The following MYRIP variants were observed in gnomAD, a reference collection of about 807,000 sequenced individuals.
The protein encoded by MYRIP is myosin VIIA and Rab interacting protein.
Under a neutral mutation model 98.0 loss-of-function variants are expected in MYRIP, and 49 were observed. That is an observed-to-expected ratio of 0.50 (90% CI 0.40 to 0.63). The LOEUF (loss-of-function observed/expected upper bound fraction) is 0.63. Ranked by LOEUF, MYRIP falls within the 30% of genes least tolerant of loss-of-function variation. The pLI, the probability that MYRIP is intolerant of heterozygous loss-of-function variation, is 0.00. For synonymous variants in MYRIP, 404 were observed against 409.5 expected, an observed-to-expected ratio of 0.99 and a Z score of 0.16; for missense variants, 1,004 against 1,058.2, an observed-to-expected ratio of 0.95 and a Z score of 0.71.
intron 1 of MYRIP, among the ~76,000 whole-genome samples, chr3:39,860,362 G>A (rs943390870): frequency 2.0e-5 from 3 of 152,224 alleles, no homozygotes; most frequent in African/African-American, 7.2e-5. Context: ...AGAGCCCAGA[G>A]GGTTTGATAT....
chr3:39,950,352 C>G (rs1054174738), intron 2 of MYRIP, among the ~76,000 whole-genome samples: 1 of 152,132 alleles, frequency 6.6e-6, no homozygotes, highest in African/African-American at 2.4e-5. Context: ...ATTTGCTTTC[C>G]TTTATACATT....
intron 2 of MYRIP, among the ~76,000 whole-genome samples, chr3:39,982,028 G>A (rs1945909115): frequency 6.6e-6 from 1 of 152,156 alleles, no homozygotes; most frequent in South Asian, 2.1e-4. Flanking sequence ...ACTGTAATAT[G>A]CCTCAATTTC....
chr3:40,108,046 C>A (rs371977146), intron 3 of MYRIP, among the ~76,000 whole-genome samples: 2 of 152,140 alleles, frequency 1.3e-5, no homozygotes, highest in Admixed American at 6.5e-5. Flanking sequence ...AATTAGAAAC[C>A]TTTGTGTGGT....
chr3:40,243,153 G>A (rs1447805813), intron 12 of MYRIP, among the ~76,000 whole-genome samples: 1 of 152,136 alleles, frequency 6.6e-6, no homozygotes, highest in Non-Finnish European at 1.5e-5. Flanking sequence ...GCCCCTGTAT[G>A]ACTGGTGAAT....
chr3:40,181,898 C>T (rs942403857), intron 8 of MYRIP, among the ~76,000 whole-genome samples: 1 of 152,030 alleles, frequency 6.6e-6, no homozygotes, highest in African/African-American at 2.4e-5. Context: ...TTTGCATGCC[C>T]GAGAGCAACT....
intron 4 of MYRIP, among the ~76,000 whole-genome samples, chr3:40,152,627 C>G (rs1208219612): frequency 7.9e-5 from 12 of 152,136 alleles, no homozygotes. Flanking sequence ...GCTGGGCCCT[C>G]TGTGATTCAC....
intron 3 of MYRIP, among the ~76,000 whole-genome samples, chr3:40,142,245 G>C (rs1001801273): frequency 6.6e-6 from 1 of 151,778 alleles, no homozygotes; most frequent in Admixed American, 6.6e-5. Context: ...TAGAGACGGG[G>C]TTTTACCATG....
intron 16 of MYRIP, among the ~76,000 whole-genome samples, chr3:40,256,464 A>G (rs1953592703): frequency 6.6e-6 from 1 of 152,148 alleles, no homozygotes; most frequent in African/African-American, 2.4e-5. Context: ...AAATAAACCC[A>G]AAAAACATTT....
chr3:39,927,346 G>C (rs543859366), intron 2 of MYRIP, among the ~76,000 whole-genome samples: 1 of 151,936 alleles, frequency 6.6e-6, no homozygotes, highest in Non-Finnish European at 1.5e-5. Flanking sequence ...CTCTGGCTAG[G>C]GCTTCTAGTA....
chr3:40,249,733 T>G (rs1431439045), intron 13 of MYRIP, among the ~76,000 whole-genome samples: 25 of 152,198 alleles, frequency 1.6e-4, no homozygotes, highest in Admixed American at 1.6e-3. Context: ...TCAAGGCTGG[T>G]TGGCTTCTTA....
At chr3:39,985,471 T>C (rs1279928786) in intron 2 of MYRIP, among the ~76,000 whole-genome samples, 1 of 123,620 alleles carries the variant, frequency 8.1e-6, no homozygotes, top group African/African-American at 3.3e-5. Context: ...AAAGTTCATA[T>C]GGAACCAAAA....
At chr3:40,000,083 G>A (rs13063902) in intron 2 of MYRIP, among the ~76,000 whole-genome samples, 10,977 of 150,322 alleles carry the variant, frequency 0.073, 573 homozygotes, top group East Asian at 0.17. Context: ...GTTAAATGAC[G>A]AGTTAATGGG....
intron 1 of MYRIP, among the ~76,000 whole-genome samples, chr3:39,828,108 G>A (rs1288211097): frequency 6.6e-6 from 1 of 151,966 alleles, no homozygotes; most frequent in East Asian, 1.9e-4. Flanking sequence ...TGAGCTTCTA[G>A]GTGTCGATGT....
rs1052996897 is a variant in MYRIP, at chr3:40,179,369, T to G, written c.874-2851T>G. 3.3e-5 allele frequency among the ~76,000 whole-genome samples: 5 copies of G among 152,306 alleles called. No homozygotes were observed. The East Asian group carries it at 9.7e-4, about 29-fold the overall frequency. On this transcript the variant is annotated intron_variant, in intron 8 of 16. Coordinates refer to ENST00000302541, the MANE Select transcript of MYRIP (RefSeq NM_015460.4). ...ACTATTTTTATAGCCTGGCATTCCC[T>G]ACTCTCTGCTGTTGGGACCAGAGAG...
At chr3:39,869,896 A>G (rs893307156) in intron 1 of MYRIP, among the ~76,000 whole-genome samples, 1 of 152,150 alleles carries the variant, frequency 6.6e-6, no homozygotes, top group Admixed American at 6.6e-5. Flanking sequence ...TTGCATGCCA[A>G]CGGCATGAGA....
At chr3:40,248,047 G>T (rs1021348478) in intron 13 of MYRIP, 1 of 152,284 alleles carries the variant, frequency 6.6e-6, no homozygotes, top group Non-Finnish European at 1.5e-5. Flanking sequence ...ACTCCCTGTT[G>T]TCTGTTCTCA....
At chr3:40,093,093 A>G (rs1159531016) in intron 3 of MYRIP, among the ~76,000 whole-genome samples, 2 of 152,204 alleles carry the variant, frequency 1.3e-5, no homozygotes, top group African/African-American at 2.4e-5. Flanking sequence ...GAAGAGACCC[A>G]CAGCCAGCAA....
intron 10 of MYRIP, among the ~76,000 whole-genome samples, chr3:40,204,207 T>TAA (rs1951728915): frequency 2.2e-5 from 1 of 44,538 alleles, no homozygotes; most frequent in Non-Finnish European, 4.3e-5. Flanking sequence ...ATATTATATA[T>TAA]TTATATATTA....
intron 11 of MYRIP, among the ~76,000 whole-genome samples, chr3:40,232,408 C>T (rs978134243): frequency 1.3e-5 from 2 of 152,178 alleles, no homozygotes; most frequent in Non-Finnish European, 1.5e-5. Context: ...GGAGGGCCAT[C>T]GGAAACCTTC....
Sources: gnomAD v4.1 joint callset for allele counts (sites outside exome capture counted in the v4.1 genomes callset) on GRCh38, gnomAD v4.1.1 for gene constraint, MANE v1.5 for transcripts, NCBI Gene and HGNC (gene_info 2026-07-23, HGNC 2026-07-21) for gene names.